Variants in CSGALNACT1 observed in about 807,000 individuals in gnomAD.
The protein encoded by CSGALNACT1 is chondroitin sulfate N-acetylgalactosaminyltransferase 1.
A neutral mutation model predicts 51.0 loss-of-function variants in CSGALNACT1; 52 were observed. That is an observed-to-expected ratio of 1.02 (90% CI 0.82 to 1.29). CSGALNACT1 has a LOEUF of 1.29. CSGALNACT1 is among the 50% of genes most tolerant of loss of function. CSGALNACT1 has a pLI of 0.00. For missense variants in CSGALNACT1, 935 were observed against 679.2 expected (o/e 1.38, Z -4.19); for synonymous variants, 341 against 254.4 (o/e 1.34, Z -3.24).
At chr8:19,444,740 C>T (rs1445107598) in intron 5 of CSGALNACT1, among the ~76,000 whole-genome samples, 3 of 152,134 alleles carry the variant, frequency 2.0e-5, no homozygotes, top group Non-Finnish European at 4.4e-5. Context: ...ACGGTTCTTG[C>T]CCTCATAACA....
intron 6 of CSGALNACT1, among the ~76,000 whole-genome samples, chr8:19,438,246 T>G (rs1354722294): frequency 6.6e-6 from 1 of 152,202 alleles, no homozygotes; most frequent in South Asian, 2.1e-4. Flanking sequence ...CCAGGTGGAC[T>G]ACCACCTTCT....
intron 2 of CSGALNACT1, among the ~76,000 whole-genome samples, chr8:19,599,539 G>GA (rs2049932556): frequency 3.2e-5 from 4 of 123,118 alleles, no homozygotes; most frequent in Non-Finnish European, 5.4e-5. Context: ...GAAAGAAAAA[G>GA]AAGGAAAGAA....
upstream of CSGALNACT1, among the ~76,000 whole-genome samples, chr8:19,603,688 C>A (rs1172779992): frequency 6.6e-6 from 1 of 152,172 alleles, no homozygotes; most frequent in Non-Finnish European, 1.5e-5. Context: ...CTTAAATTTT[C>A]TTTTCTGTGT....
At chr8:19,673,038 G>C (rs2059912251) in intron 1 of CSGALNACT1, among the ~76,000 whole-genome samples, 1 of 152,160 alleles carries the variant, frequency 6.6e-6, no homozygotes, top group South Asian at 2.1e-4. Context: ...AAATCAAAGA[G>C]CCATCTCAAA....
At chr8:19,628,420 A>G (rs1368225679) in intron 1 of CSGALNACT1, among the ~76,000 whole-genome samples, 1 of 152,216 alleles carries the variant, frequency 6.6e-6, no homozygotes, top group East Asian at 1.9e-4. Flanking sequence ...CACATGATCC[A>G]GTGACCTCCC....
At chr8:19,410,738 T>C (rs559906813) in intron 8 of CSGALNACT1, among the ~76,000 whole-genome samples, 1 of 152,180 alleles carries the variant, frequency 6.6e-6, no homozygotes, top group Non-Finnish European at 1.5e-5. Context: ...TAAACATTTA[T>C]TAAAGTCAGT....
chr8:19,722,244 C>A (rs1184539946), intron 1 of CSGALNACT1, among the ~76,000 whole-genome samples: 1 of 152,160 alleles, frequency 6.6e-6, no homozygotes, highest in Non-Finnish European at 1.5e-5. Flanking sequence ...GCTCTCTCCC[C>A]TAAAATGTAC....
At chr8:19,674,453 G>C (rs537860293) in intron 1 of CSGALNACT1, among the ~76,000 whole-genome samples, 2 of 152,286 alleles carry the variant, frequency 1.3e-5, no homozygotes, top group East Asian at 1.9e-4. Flanking sequence ...GAAGGAAAAA[G>C]ACCCTGAGGC....
At chr8:19,462,640 A>G (rs1020729896) in intron 4 of CSGALNACT1, among the ~76,000 whole-genome samples, 27 of 152,284 alleles carry the variant, frequency 1.8e-4, no homozygotes, top group African/African-American at 5.8e-4. Flanking sequence ...CAGGAAGGTC[A>G]CAGCACCCAG....
chr8:19,586,359 A>AAAC (rs997023399), intron 3 of CSGALNACT1, among the ~76,000 whole-genome samples: 6 of 151,680 alleles, frequency 4.0e-5, no homozygotes, highest in Admixed American at 6.6e-5. Flanking sequence ...ACTCCATCTC[A>AAAC]GAAAACACAA....
rs138410929 is a variant in CSGALNACT1 at position 19,466,303 on chromosome 8, T to C, written c.635-7661A>G. On this transcript the variant is annotated intron_variant, in intron 4 of 9. Transcript: ENST00000454498. ...TTTTAATTATCAGTGTCTGAAATCA[T>C]TTAATATACTTCATCTTAGCCAAAA... Among the ~76,000 whole-genome samples the C allele has an allele frequency of 3.1e-3, 477 of 152,298 alleles. 2 individuals carry two copies. Among genetic ancestry groups the C allele is most frequent in the Middle Eastern group, 0.014 (4 of 294 alleles).
intron 8 of CSGALNACT1, 151 bp downstream of exon 7, chr8:19,418,505 G>A: frequency 1.4e-6 from 1 of 701,882 alleles, no homozygotes; most frequent in Non-Finnish European, 2.6e-6. Context: ...CGAGGCGCCG[G>A]GAGCAGAGGC....
intron 1 of CSGALNACT1, among the ~76,000 whole-genome samples, chr8:19,640,662 G>C (rs1357772539): frequency 1.3e-5 from 2 of 152,170 alleles, no homozygotes; most frequent in Non-Finnish European, 2.9e-5. Flanking sequence ...TGGCACACTT[G>C]AATCTAATCT....
intron 1 of CSGALNACT1, among the ~76,000 whole-genome samples, chr8:19,666,953 AAGAAAGAAAG>A (rs2059324074): frequency 1.5e-4 from 2 of 13,508 alleles, no homozygotes; most frequent in African/African-American, 8.1e-4. Flanking sequence ...AAAAGAAAGA[AAGAAAGAAAG>A]AAAGAAAGAA....
intron 1 of CSGALNACT1, among the ~76,000 whole-genome samples, chr8:19,646,194 G>C (rs1238222251): frequency 6.6e-6 from 1 of 152,114 alleles, no homozygotes; most frequent in Non-Finnish European, 1.5e-5. Context: ...AAAAATACTA[G>C]AAATACAAGA....
At chr8:19,600,579 C>G (rs760902112) in intron 2 of CSGALNACT1, among the ~76,000 whole-genome samples, 1 of 152,156 alleles carries the variant, frequency 6.6e-6, no homozygotes, top group Non-Finnish European at 1.5e-5. Flanking sequence ...ATTACTTAAG[C>G]CTCTTAACCA....
chr8:19,412,029 T>C (rs2055872991), intron 8 of CSGALNACT1, among the ~76,000 whole-genome samples: 1 of 152,194 alleles, frequency 6.6e-6, no homozygotes, highest in South Asian at 2.1e-4. Flanking sequence ...GAAGGGGTTT[T>C]GCCATGTTGG....
rs917811792 is a variant in CSGALNACT1 at position 19,505,091 on chromosome 8, C to T, written c.634+110G>A. 4 of 1,229,480 alleles carry T rather than the reference C, an allele frequency of 3.3e-6. No individual in the cohort carries two copies. The Admixed American group carries it at 5.1e-5, about 16-fold the overall frequency. The allele number at this position is 1,229,480 out of a possible 1,614,324, so 76.2% of individuals were successfully genotyped here. On this transcript the variant is annotated intron_variant, in intron 4 of 9. Transcript: ENST00000454498. ...GGTGTCACACACATAAAACTTTCCG[C>T]CAGCCATCCCAGAGCCAGCTGCCAG...
chr8:19,549,793 G>T (rs1415507412), intron 3 of CSGALNACT1, among the ~76,000 whole-genome samples: 1 of 150,514 alleles, frequency 6.6e-6, no homozygotes, highest in Non-Finnish European at 1.5e-5. Context: ...GTTGCATTTG[G>T]CTGACAGTTT....
Sources: gnomAD v4.1 joint callset for allele counts (sites outside exome capture counted in the v4.1 genomes callset) on GRCh38, gnomAD v4.1.1 for gene constraint, MANE v1.5 for transcripts, NCBI Gene and HGNC (gene_info 2026-07-23, HGNC 2026-07-21) for gene names.